OVCH1: variants seen among roughly 807,000 people sequenced by gnomAD.
The protein encoded by OVCH1 is ovochymase-1.
Under a neutral mutation model 138.4 loss-of-function variants are expected in OVCH1, and 139 were observed. The observed-to-expected ratio is 1.00, with a 90% CI of 0.87 to 1.16. OVCH1 has a LOEUF of 1.16. OVCH1 is among the 50% of genes most tolerant of loss of function. The pLI, the probability that OVCH1 is intolerant of heterozygous loss-of-function variation, is 0.00. For missense variants in OVCH1, 1,367 were observed against 1,357.9 expected, an observed-to-expected ratio of 1.01 and a Z score of -0.11; for synonymous variants, 453 against 467.8, an observed-to-expected ratio of 0.97 and a Z score of 0.41.
At chr12:29,438,392 C>T (rs1160386446) in intron 26 of OVCH1, among the ~76,000 whole-genome samples, 1 of 151,874 alleles carries the variant, frequency 6.6e-6, no homozygotes, top group African/African-American at 2.4e-5. Context: ...CCATTCTTTC[C>T]CCAAGAGATT....
chr12:29,454,198 A>G (rs573455495), intron 21 of OVCH1, among the ~76,000 whole-genome samples: 1 of 152,106 alleles, frequency 6.6e-6, no homozygotes, highest in South Asian at 2.1e-4. Context: ...TCTTTCTTCT[A>G]CTCAAAGTCA....
intron 27 of OVCH1, among the ~76,000 whole-genome samples, chr12:29,430,568 A>G (rs1307007057): frequency 1.3e-5 from 2 of 152,148 alleles, no homozygotes; most frequent in African/African-American, 4.8e-5. Context: ...CTGCTGTGTC[A>G]TGCAGGTTTT....
At position 29,496,570 on chromosome 12, in the gene OVCH1, C is replaced by A; in HGVS notation, c.169G>T (p.Gly57Ter). The A allele has an allele frequency of 6.2e-7, 1 of 1,606,416 alleles. No homozygotes were observed. Among genetic ancestry groups the A allele is most frequent in the Non-Finnish European group, 8.5e-7 (1 of 1,173,368 alleles). The change falls in exon 2 of 28, where the codon GGA (glycine) becomes TGA (stop). Residue 57 changes from glycine to a stop codon, truncating the protein, a stop_gained. Coordinates refer to ENST00000318184, the Ensembl canonical transcript of OVCH1. LOFTEE classifies it high-confidence loss of function. ...GTTGCACTGACCTGCCATGGATGTC[C>A]AGTCACTGTTGAATTTCTCCAACTA...
At chr12:29,418,082 AT>A (rs1363184379) in intron 3 of OVCH1, among the ~76,000 whole-genome samples, 13 of 152,174 alleles carry the variant, frequency 8.5e-5, no homozygotes, top group Non-Finnish European at 1.9e-4. Context: ...TTCCCGCAGT[AT>A]GTTTTCTCAC....
chr12:29,442,309 C>T (rs578257651), intron 25 of OVCH1, among the ~76,000 whole-genome samples: 8 of 150,546 alleles, frequency 5.3e-5, no homozygotes, highest in Non-Finnish European at 8.9e-5. Flanking sequence ...ATGATGAGTT[C>T]ATGTCCTTTG....
At chr12:29,420,228 T>A (rs1360096826) in intron 3 of OVCH1, among the ~76,000 whole-genome samples, 1 of 152,062 alleles carries the variant, frequency 6.6e-6, no homozygotes, top group Non-Finnish European at 1.5e-5. Flanking sequence ...AAAGAAAAAA[T>A]TTTCTTTCCA....
chr12:29,458,642 C>T (rs779330720), intron 19 of OVCH1, among the ~76,000 whole-genome samples: 38 of 152,166 alleles, frequency 2.5e-4, no homozygotes, highest in Non-Finnish European at 4.9e-4. Flanking sequence ...AAAATGGACA[C>T]ATAAGATCAT....
downstream of OVCH1, among the ~76,000 whole-genome samples, chr12:29,423,792 GA>G (rs1408117900): frequency 6.6e-6 from 1 of 152,168 alleles, no homozygotes; most frequent in Non-Finnish European, 1.5e-5. Flanking sequence ...AGAAATCCGA[GA>G]AAGAAAGGAG....
chr12:29,493,044 G>A (rs1015574189), intron 4 of OVCH1, among the ~76,000 whole-genome samples: 3 of 152,168 alleles, frequency 2.0e-5, no homozygotes, highest in African/African-American at 7.2e-5. Flanking sequence ...TGGAACAGTG[G>A]AGAGAAAGTC....
At chr12:29,435,603 C>G (rs1941344524) in intron 26 of OVCH1, among the ~76,000 whole-genome samples, 1 of 152,128 alleles carries the variant, frequency 6.6e-6, no homozygotes, top group African/African-American at 2.4e-5. Context: ...ATCCGCCCAC[C>G]TCGGCCTCCC....
exon 16 of OVCH1, chr12:29,471,933 G>T (rs559859426): frequency 5.6e-5 from 91 of 1,613,134 alleles, no homozygotes; most frequent in Non-Finnish European, 7.2e-5. Flanking sequence ...CCCCTCCTGC[G>T]ATTCTTCTGG....
rs1458716683 is a variant in OVCH1 at position 29,497,630 on chromosome 12, T to G, written c.57A>C (p.Arg19Ser). ...CCAGGTCCCTAGGCTCACCTAGGCT[T>G]CTGGGGTGGCCGATGACCAGCAACA... The change falls in exon 1 of 28, where the codon AGA becomes AGC. Residue 19 changes from arginine (R) to serine (S), a missense_variant. Arg to Ser is a moderately radical substitution (Grantham distance 110, BLOSUM62 -1). Transcript: ENST00000318184. 4.3e-6 allele frequency: 7 copies of G among 1,613,740 alleles called. No homozygotes were observed. In the African/African-American group the frequency reaches 9.3e-5, roughly 22 times the overall value.
At chr12:29,448,201 A>G (rs899780800) in intron 22 of OVCH1, among the ~76,000 whole-genome samples, 1 of 148,418 alleles carries the variant, frequency 6.7e-6, no homozygotes, top group Non-Finnish European at 1.5e-5. Flanking sequence ...TCCTATGAGA[A>G]TCTAATGCTG....
chr12:29,496,817 T>C (rs1943431361), intron 1 of OVCH1, 143 bp from the exon 2 acceptor site: 1 of 619,284 alleles, frequency 1.6e-6, no homozygotes, highest in South Asian at 2.3e-5. Flanking sequence ...CTTCTCTCAA[T>C]ATTTTCTTCA....
chr12:29,423,766 A>C (rs77473561), downstream of OVCH1, among the ~76,000 whole-genome samples: 6,601 of 152,320 alleles, frequency 0.043, 447 homozygotes, highest in African/African-American at 0.14. Context: ...ATTTGTCTTC[A>C]TGATAACGGT....
chr12:29,408,944 CTT>C (rs1312305569), downstream of OVCH1, among the ~76,000 whole-genome samples: 1 of 152,060 alleles, frequency 6.6e-6, no homozygotes, highest in African/African-American at 2.4e-5. Flanking sequence ...GTCCTGGACT[CTT>C]TTTGGTTGGT....
chr12:29,460,237 C>A (rs550507663), intron 19 of OVCH1, among the ~76,000 whole-genome samples: 2 of 152,078 alleles, frequency 1.3e-5, no homozygotes, highest in East Asian at 3.8e-4. Context: ...CTTTTCTTTC[C>A]GCACAAAATA....
At chr12:29,459,124 A>ACT (rs60982984) in intron 19 of OVCH1, among the ~76,000 whole-genome samples, 360 of 152,260 alleles carry the variant, frequency 2.4e-3, no homozygotes, top group African/African-American at 8.3e-3. Context: ...TAGCAATCCC[A>ACT]CTCCTAGGTA....
chr12:29,466,792 G>T (rs1287620707), intron 16 of OVCH1, among the ~76,000 whole-genome samples: 1 of 152,174 alleles, frequency 6.6e-6, no homozygotes, highest in Non-Finnish European at 1.5e-5. Flanking sequence ...AGCTGAAAAA[G>T]TGTCTGAGGA....
Sources: gnomAD v4.1 joint callset for allele counts (sites outside exome capture counted in the v4.1 genomes callset) on GRCh38, gnomAD v4.1.1 for gene constraint, MANE v1.5 for transcripts, NCBI Gene and HGNC (gene_info 2026-07-23, HGNC 2026-07-21) for gene names.